DPYSL3: variants seen among roughly 807,000 people sequenced by gnomAD.
The protein encoded by DPYSL3 is dihydropyrimidinase-related protein 3.
A neutral mutation model predicts 66.1 loss-of-function variants in DPYSL3; 16 were observed. The observed-to-expected ratio is 0.24, with a 90% CI of 0.16 to 0.37. DPYSL3 has a LOEUF of 0.37. DPYSL3 is among the 10% of genes least tolerant of loss of function. The pLI is 1.00. For missense variants in DPYSL3, 738 were observed against 916.2 expected (o/e 0.81, Z 2.51); for synonymous variants, 338 against 345.1 (o/e 0.98, Z 0.23).
intron 1 of DPYSL3, among the ~76,000 whole-genome samples, chr5:147,496,457 C>G (rs941405061): frequency 6.6e-6 from 1 of 152,024 alleles, no homozygotes; most frequent in South Asian, 2.1e-4. Flanking sequence ...TCAGAGTGAA[C>G]AGGCAACCTA....
intron 8 of DPYSL3, chr5:147,402,135 G>T (rs1003514333): frequency 1.9e-5 from 3 of 159,954 alleles, no homozygotes; most frequent in Admixed American, 6.5e-5. Context: ...TTGTGAAAAT[G>T]AAAAGATATG....
chr5:147,500,536 C>T (rs549970404), intron 1 of DPYSL3, among the ~76,000 whole-genome samples: 2 of 151,594 alleles, frequency 1.3e-5, no homozygotes, highest in Admixed American at 1.3e-4. Flanking sequence ...ATCACTTGAA[C>T]CTGGGAGATA....
intron 1 of DPYSL3, among the ~76,000 whole-genome samples, chr5:147,490,262 T>A (rs923579527): frequency 1.3e-5 from 2 of 152,212 alleles, no homozygotes; most frequent in African/African-American, 4.8e-5. Context: ...ACAAAAATGA[T>A]CACATGCAGC....
At chr5:147,478,358 G>T (rs1302685244) in intron 1 of DPYSL3, among the ~76,000 whole-genome samples, 2 of 152,096 alleles carry the variant, frequency 1.3e-5, no homozygotes, top group Admixed American at 6.5e-5. Context: ...AAAAAATCAG[G>T]GTTGCCTCAG....
At chr5:147,489,775 C>T (rs1753387927) in intron 1 of DPYSL3, among the ~76,000 whole-genome samples, 1 of 149,166 alleles carries the variant, frequency 6.7e-6, no homozygotes, top group Non-Finnish European at 1.5e-5. Flanking sequence ...AATTCTTTCT[C>T]TTAAATAATA....
intron 1 of DPYSL3, among the ~76,000 whole-genome samples, chr5:147,439,727 A>G (rs1752496387): frequency 6.6e-6 from 1 of 152,142 alleles, no homozygotes; most frequent in African/African-American, 2.4e-5. Context: ...GATGACAGTG[A>G]TGAAAAATGG....
Position 147,509,784 on chromosome 5 carries a change from G to T in DPYSL3, c.75C>A (p.Thr25=). ...ATTTCTGCCGCGGGACCTGGTCCGT[G>T]GTGCCCGGCCTGGCCAGGTACACGG... is the stretch of plus-strand genomic sequence containing the variant. ...DLPVYLARPG[T]TDQVPRQKYG... is the part of the protein sequence containing the mutation. The change falls in exon 1 of 14, where the codon ACC becomes ACA. Residue 25 remains threonine, a synonymous_variant. Coordinates refer to ENST00000343218, the MANE Select transcript of DPYSL3 (RefSeq NM_001197294.2). This position sits in a 1 kb window ranked among gnomAD's most constrained non-coding sequence, Gnocchi z 5.3. The T allele has an allele frequency of 6.5e-7, 1 of 1,536,008 alleles. No homozygotes were observed. Among genetic ancestry groups the T allele is most frequent in the Non-Finnish European group, 8.7e-7 (1 of 1,146,808 alleles).
intron 1 of DPYSL3, among the ~76,000 whole-genome samples, chr5:147,507,588 G>T (rs1466365583): frequency 3.3e-5 from 5 of 152,170 alleles, no homozygotes; most frequent in Admixed American, 3.3e-4. Context: ...TAAACAACAA[G>T]TTCAGAACTT....
Position 147,408,801 on chromosome 5 carries a change from A to G in DPYSL3, c.964-5T>C. ...TTCCAACATGCGGGTTTGCTCCTGA[A>G]ATGAAAAAAGAAAATAGTTCTTCAA... On this transcript the variant is annotated splice_region_variant and splice_polypyrimidine_tract_variant and intron_variant, in intron 6 of 13. Transcript: ENST00000343218. 6.2e-7 allele frequency: 1 copy of G among 1,614,204 alleles called. No individual in the cohort carries two copies. The highest frequency in any genetic ancestry group is 8.5e-7 in the Non-Finnish European group (1 of 1,180,042).
At chr5:147,485,368 C>T (rs907454926) in intron 1 of DPYSL3, among the ~76,000 whole-genome samples, 8 of 152,140 alleles carry the variant, frequency 5.3e-5, no homozygotes, top group Non-Finnish European at 8.8e-5. Context: ...TCATGCCTTC[C>T]TTCAAAGGGC....
At chr5:147,489,733 G>GT (rs61578582) in intron 1 of DPYSL3, among the ~76,000 whole-genome samples, 1,603 of 143,012 alleles carry the variant, frequency 0.011, 96 homozygotes, top group Admixed American at 0.091. Context: ...TTCCTTTTAT[G>GT]TTTTTTTTTT....
At chr5:147,397,884 A>ATAGAAGGAG in intron 11 of DPYSL3, 39 bp from the exon 12 acceptor site, 1 of 1,552,956 alleles carries the variant, frequency 6.4e-7, no homozygotes, top group Non-Finnish European at 8.7e-7. Flanking sequence ...CAGTAAGGGT[A>ATAGAAGGAG]GAGAAAGAGG....
chr5:147,505,240 C>T (rs559767751), intron 1 of DPYSL3, among the ~76,000 whole-genome samples: 19 of 151,892 alleles, frequency 1.3e-4, no homozygotes, highest in South Asian at 1.0e-3. Context: ...CACTCAGAGA[C>T]GTTTTTTTTT....
chr5:147,422,691 C>CA (rs1474702768), intron 2 of DPYSL3, among the ~76,000 whole-genome samples: 1 of 152,096 alleles, frequency 6.6e-6, no homozygotes, highest in Admixed American at 6.5e-5. Flanking sequence ...AGAATGAGTT[C>CA]ATGTCCTTTG....
At chr5:147,416,900 G>T (rs966199078) in intron 3 of DPYSL3, among the ~76,000 whole-genome samples, 1 of 152,054 alleles carries the variant, frequency 6.6e-6, no homozygotes, top group African/African-American at 2.4e-5. Flanking sequence ...TGTTGGGGTA[G>T]AACAAAAATG....
chr5:147,458,672 A>G (rs1165898585), intron 1 of DPYSL3, among the ~76,000 whole-genome samples: 2 of 152,188 alleles, frequency 1.3e-5, no homozygotes, highest in Non-Finnish European at 2.9e-5. Context: ...ATAAATTTAA[A>G]GAGAGACCAG....
chr5:147,464,499 G>A (rs1322550327), intron 1 of DPYSL3, among the ~76,000 whole-genome samples: 1 of 152,202 alleles, frequency 6.6e-6, no homozygotes, highest in Non-Finnish European at 1.5e-5. Context: ...AGCAAGGAGA[G>A]TCAGCATCCT....
intron 1 of DPYSL3, among the ~76,000 whole-genome samples, chr5:147,428,512 G>C (rs1752242883): frequency 6.6e-6 from 1 of 151,970 alleles, no homozygotes; most frequent in Non-Finnish European, 1.5e-5. Context: ...CATAACCACT[G>C]ACCACCCCCA....
chr5:147,447,806 C>T (rs1752655344), intron 1 of DPYSL3, among the ~76,000 whole-genome samples: 1 of 152,184 alleles, frequency 6.6e-6, no homozygotes, highest in African/African-American at 2.4e-5. Context: ...CCACTGCACT[C>T]CAGCCTGGGC....
Sources: gnomAD v4.1 joint callset for allele counts (sites outside exome capture counted in the v4.1 genomes callset) on GRCh38, gnomAD v4.1.1 for gene constraint, Gnocchi (gnomAD v3.1) non-coding constraint, MANE v1.5 for transcripts, NCBI Gene and HGNC (gene_info 2026-07-23, HGNC 2026-07-21) for gene names.